Variants in ARNT observed in about 807,000 individuals in gnomAD.
ARNT encodes the protein class E basic helix-loop-helix protein 2.
In ARNT, 30 loss-of-function variants were observed where a neutral mutation model predicts 105.0. The ratio of observed to expected loss-of-function variants is 0.29; its 90% confidence interval spans 0.21 to 0.39. The LOEUF is 0.39. Among genes scored for constraint, ARNT ranks in the 10% least tolerant of loss-of-function variants. The probability of loss-of-function intolerance (pLI) is 1.00; values close to 1 mark genes in which losing one functional copy is unlikely to be tolerated. For synonymous variants in ARNT, 304 were observed against 344.0 expected (o/e 0.88, Z 1.29); for missense variants, 748 against 978.7 (o/e 0.76, Z 3.15).
intron 2 of ARNT, among the ~76,000 whole-genome samples, chr1:150,856,222 G>A (rs1276023929): frequency 4.0e-5 from 6 of 151,820 alleles, no homozygotes; most frequent in East Asian, 2.0e-4. Flanking sequence ...GGTGGATCAC[G>A]AGGTCAGGAG....
chr1:150,825,807 C>T (rs1658100258), intron 13 of ARNT, among the ~76,000 whole-genome samples: 1 of 150,366 alleles, frequency 6.7e-6, no homozygotes, highest in African/African-American at 2.4e-5. Context: ...TGAGATTGCA[C>T]ACTACACTCC....
intron 3 of ARNT, among the ~76,000 whole-genome samples, chr1:150,849,096 G>A (rs973126419): frequency 2.6e-5 from 4 of 151,954 alleles, no homozygotes; most frequent in African/African-American, 7.3e-5. Flanking sequence ...CCAGCTACTC[G>A]GGAGGCTGAG....
rs587624123 is a variant in ARNT at position 150,871,215 on chromosome 1, T to C, written c.25+5328A>G. Among the ~76,000 whole-genome samples, 12 of 151,872 alleles carry C rather than the reference T, an allele frequency of 7.9e-5. No homozygotes were observed. In the East Asian group the frequency reaches 9.7e-4, roughly 12 times the overall value. On this transcript the variant is annotated intron_variant, in intron 1 of 21. Transcript: ENST00000358595. The stretch of plus-strand genomic sequence containing the variant: ...GTTTGTCTCCTTAAGTGTAAAATGA[T>C]AGGTGTTGTCATATTTCCAACCTGA...
At chr1:150,822,993 T>C (rs775824664) in intron 14 of ARNT, among the ~76,000 whole-genome samples, 1 of 152,318 alleles carries the variant, frequency 6.6e-6, no homozygotes, top group Admixed American at 6.5e-5. Context: ...CCCAGCTCAC[T>C]GCAACCTCCA....
intron 1 of ARNT, among the ~76,000 whole-genome samples, chr1:150,860,090 G>A (rs1282952626): frequency 6.7e-6 from 1 of 150,162 alleles, no homozygotes; most frequent in African/African-American, 2.5e-5. Context: ...TATACATCAT[G>A]AATATCTATC....
intron 1 of ARNT, among the ~76,000 whole-genome samples, chr1:150,860,673 T>C (rs1196029820): frequency 6.6e-6 from 1 of 151,632 alleles, no homozygotes; most frequent in African/African-American, 2.4e-5. Flanking sequence ...CTGATCAACA[T>C]GGTGAAATCC....
intron 12 of ARNT, 72 bp downstream of exon 12, chr1:150,829,021 G>A: frequency 6.4e-7 from 1 of 1,557,026 alleles, no homozygotes; most frequent in Non-Finnish European, 8.7e-7. Flanking sequence ...GGCTGTCTTA[G>A]GAACTACATG....
At chr1:150,871,865 G>A (rs1667502810) in intron 1 of ARNT, among the ~76,000 whole-genome samples, 1 of 118,274 alleles carries the variant, frequency 8.5e-6, no homozygotes, top group Admixed American at 1.2e-4. Context: ...CCAAGATCAC[G>A]CCATTGCACT....
At chr1:150,829,011 G>T in intron 12 of ARNT, 82 bp downstream of exon 12, 1 of 1,486,020 alleles carries the variant, frequency 6.7e-7, no homozygotes, top group Non-Finnish European at 9.1e-7. Context: ...GATATGTTTT[G>T]GCTGTCTTAG....
chr1:150,842,360 AAGAAAAAGGAT>A, intron 5 of ARNT, 53 bp downstream of exon 5: 2 of 1,573,964 alleles, frequency 1.3e-6, no homozygotes, highest in Non-Finnish European at 1.7e-6. Context: ...AAGAAAGAGT[AAGAAAAAGGAT>A]AGAAAAAGCA....
At chr1:150,857,290 T>G (rs1489102059) in intron 2 of ARNT, among the ~76,000 whole-genome samples, 5 of 152,198 alleles carry the variant, frequency 3.3e-5, no homozygotes, top group Admixed American at 6.5e-5. Context: ...ATTTTGATAT[T>G]TATAATACTT....
chr1:150,861,393 T>C (rs370425313), intron 1 of ARNT: 9 of 290,672 alleles, frequency 3.1e-5, no homozygotes, highest in Middle Eastern at 2.2e-3. Context: ...TCTGGGTATA[T>C]ACCTGAAAGA....
chr1:150,867,261 G>A (rs948166770), intron 1 of ARNT, among the ~76,000 whole-genome samples: 1 of 151,592 alleles, frequency 6.6e-6, no homozygotes, highest in South Asian at 2.1e-4. Flanking sequence ...TGGGCATCGT[G>A]TCATACACCT....
rs1272342776 is a variant in ARNT, at chr1:150,811,995, C to G, written c.*26G>C. On this transcript the variant is annotated 3_prime_UTR_variant, in exon 22 of 22. Transcript: ENST00000358595. Reference sequence around the variant, plus strand: ...AAACAAACAGTGATTTTTTCTCCCCCACCCCTTATCCTCACCCCAATAGTT... The same window carrying G: ...AAACAAACAGTGATTTTTTCTCCCCGACCCCTTATCCTCACCCCAATAGTT... 6 of 1,431,634 alleles carry G rather than the reference C, an allele frequency of 4.2e-6. No individual in the cohort carries two copies. Among genetic ancestry groups the G allele is most frequent in the Non-Finnish European group, 4.6e-6 (5 of 1,077,222 alleles). 88.7% of individuals were successfully genotyped at this position (1,431,634 alleles called of 1,614,324 possible).
In ARNT at chr1:150,811,547, G is replaced by A. The variant is rs587745243; in HGVS notation, c.*474C>T. 1.2e-4 allele frequency: 27 copies of A among 233,656 alleles called. No individual in the cohort carries two copies. Among genetic ancestry groups the A allele is most frequent in the African/African-American group, 5.5e-4 (25 of 45,424 alleles). 14.5% of individuals were successfully genotyped at this position (233,656 alleles called of 1,614,324 possible). ...AGGGACTGCTCACAGGCAGCAAAAA[G>A]AGCCTATGCTCAAACTTGCTAAAGC... On this transcript the variant is annotated 3_prime_UTR_variant, in exon 22 of 22. Coordinates refer to ENST00000358595, the MANE Select transcript of ARNT (RefSeq NM_001668.4).
chr1:150,848,118 T>C (rs1394113157), intron 3 of ARNT, among the ~76,000 whole-genome samples: 2 of 152,322 alleles, frequency 1.3e-5, no homozygotes, highest in African/African-American at 2.4e-5. Flanking sequence ...ATTCTATATA[T>C]ACTATTTTTG....
chr1:150,874,018 TAAAAAAAAAAAAA>T (rs58707975), intron 1 of ARNT, among the ~76,000 whole-genome samples: 1 of 64,430 alleles, frequency 1.6e-5, no homozygotes, highest in African/African-American at 6.4e-5. Context: ...ACAAGAATTG[TAAAAAAAAAAAAA>T]AAAAAAAAAA....
intron 1 of ARNT, among the ~76,000 whole-genome samples, chr1:150,859,354 T>C (rs983716957): frequency 1.1e-4 from 16 of 151,180 alleles, no homozygotes; most frequent in Non-Finnish European, 3.0e-5. Flanking sequence ...CTTTTTTTTT[T>C]TTTTTTTTAA....
intron 1 of ARNT, among the ~76,000 whole-genome samples, chr1:150,866,263 G>A (rs1433257308): frequency 6.7e-5 from 4 of 59,596 alleles, no homozygotes; most frequent in Non-Finnish European, 8.9e-5. Context: ...GATTACAGGC[G>A]TGAGCCACCA....
Sources: gnomAD v4.1 joint callset for allele counts (sites outside exome capture counted in the v4.1 genomes callset) on GRCh38, gnomAD v4.1.1 for gene constraint, MANE v1.5 for transcripts, NCBI Gene and HGNC (gene_info 2026-07-23, HGNC 2026-07-21) for gene names.